The following CACNA1C variants were observed in gnomAD, a reference collection of about 807,000 sequenced individuals.
CACNA1C encodes calcium voltage-gated channel subunit alpha1 C, also known as voltage-dependent L-type calcium channel subunit alpha-1C.
A neutral mutation model predicts 229.0 loss-of-function variants in CACNA1C; 30 were observed. That is an observed-to-expected ratio of 0.13 (90% confidence interval 0.10 to 0.18). The LOEUF is 0.18. Among genes scored for constraint, CACNA1C ranks in the 10% least tolerant of loss-of-function variants. The probability of loss-of-function intolerance (pLI) is 1.00; values close to 1 mark genes in which losing one functional copy is unlikely to be tolerated. For synonymous variants in CACNA1C, 1,114 were observed against 1,132.5 expected (o/e 0.98, Z 0.33); for missense variants, 1,658 against 2,845.0 (o/e 0.58, Z 9.49).
At chr12:2,008,833 A>G (rs2043918231) in intron 1 of CACNA1C, among the ~76,000 whole-genome samples, 1 of 152,216 alleles carries the variant, frequency 6.6e-6, no homozygotes, top group Non-Finnish European at 1.5e-5. Context: ...CCTGGCCCAC[A>G]GAGATTTATT....
intron 9 of CACNA1C, among the ~76,000 whole-genome samples, chr12:2,515,984 C>T (rs936691939): frequency 2.6e-5 from 4 of 152,080 alleles, no homozygotes; most frequent in East Asian, 1.9e-4. Context: ...AGTCAAAAGT[C>T]CCTGCCCTCG....
intron 37 of CACNA1C, among the ~76,000 whole-genome samples, chr12:2,668,233 A>C (rs1168235489): frequency 6.6e-6 from 1 of 152,234 alleles, no homozygotes; most frequent in Non-Finnish European, 1.5e-5. Context: ...ACGCCTGAGC[A>C]GACTTTCGAG....
intron 37 of CACNA1C, among the ~76,000 whole-genome samples, chr12:2,668,334 G>C (rs573040433): frequency 1.3e-5 from 2 of 152,246 alleles, no homozygotes; most frequent in South Asian, 4.1e-4. Context: ...TCCACGAGGA[G>C]GGTCAAAAGT....
chr12:2,605,018 C>T lies in CACNA1C; in HGVS notation c.2961-63C>T. 1 of 1,203,338 alleles carries T rather than the reference C, an allele frequency of 8.3e-7. No individual in the cohort carries two copies. The highest frequency in any genetic ancestry group is 1.5e-5 in the African/African-American group (1 of 66,936). 74.5% of individuals were successfully genotyped at this position (1,203,338 alleles called of 1,614,324 possible). A position where few individuals can be genotyped will look rare whatever the true frequency, so the allele number is the denominator to read the frequency against. ...CACCTGTCAGGACATTCCCTTACCA[C>T]ATTATTTTTGCTCCCCCCAGAAACA... On this transcript the variant is annotated intron_variant, in intron 22 of 46. Coordinates refer to ENST00000399655, the MANE Select transcript of CACNA1C (RefSeq NM_000719.7). This position sits in a 1 kb window ranked among gnomAD's most constrained non-coding sequence, Gnocchi z 6.2.
chr12:2,416,675 G>T (rs900555990), intron 3 of CACNA1C, among the ~76,000 whole-genome samples: 2 of 152,208 alleles, frequency 1.3e-5, no homozygotes, highest in African/African-American at 4.8e-5. Flanking sequence ...TGACAATTGG[G>T]ACTCCACCCA....
At chr12:1,983,259 T>C (rs538634657) in intron 1 of CACNA1C, among the ~76,000 whole-genome samples, 3 of 152,024 alleles carry the variant, frequency 2.0e-5, no homozygotes, top group Non-Finnish European at 2.9e-5. Context: ...ATTTCTCTTC[T>C]TTTTATTTCT....
intron 1 of CACNA1C, among the ~76,000 whole-genome samples, chr12:2,002,918 C>T (rs1029588018): frequency 2.0e-5 from 3 of 151,606 alleles, no homozygotes; most frequent in African/African-American, 7.3e-5. Flanking sequence ...CAAACAAAAA[C>T]AAACAAAAAA....
chr12:2,200,499 A>G (rs1251572258), intron 3 of CACNA1C, among the ~76,000 whole-genome samples: 1 of 152,216 alleles, frequency 6.6e-6, no homozygotes, highest in Non-Finnish European at 1.5e-5. Flanking sequence ...CAGCCCCACA[A>G]CAAAGAATCA....
intron 1 of CACNA1C, among the ~76,000 whole-genome samples, chr12:2,092,991 G>A (rs1394360905): frequency 6.6e-6 from 1 of 152,192 alleles, no homozygotes; most frequent in Non-Finnish European, 1.5e-5. Flanking sequence ...GAAGGAGGAG[G>A]CAGTGAGCCA....
intron 1 of CACNA1C, among the ~76,000 whole-genome samples, chr12:2,008,141 A>G (rs1035108872): frequency 2.0e-5 from 3 of 152,054 alleles, no homozygotes; most frequent in Non-Finnish European, 2.9e-5. Flanking sequence ...TTTTTGAGAC[A>G]GGGTCTTTCT....
In CACNA1C at chr12:2,035,475, A is replaced by T. The variant is rs570392031; in HGVS notation, c.139+64274A>T. On this transcript the variant is annotated intron_variant, in intron 1 of 46. Coordinates refer to the CACNA1C transcript ENST00000682462. ...GGTGATGGGGTGCAGGGAAATAGACATTTCCATTTCTTCCTCCTCCCTTCT... is the reference window on the plus strand; with the variant it reads ...GGTGATGGGGTGCAGGGAAATAGACTTTTCCATTTCTTCCTCCTCCCTTCT... Among the ~76,000 whole-genome samples, 14 of 152,194 alleles carry T rather than the reference A, an allele frequency of 9.2e-5. No homozygotes were observed. The South Asian group carries it at 2.1e-3, about 23-fold the overall frequency.
At chr12:2,180,026 C>T (rs189967972) in intron 3 of CACNA1C, among the ~76,000 whole-genome samples, 8 of 152,352 alleles carry the variant, frequency 5.3e-5, no homozygotes, top group Admixed American at 5.2e-4. Context: ...CAGGCAGGCC[C>T]TCCAACTGCC....
chr12:1,979,274 A>C (rs999245746), intron 1 of CACNA1C, among the ~76,000 whole-genome samples: 1 of 151,330 alleles, frequency 6.6e-6, no homozygotes, highest in Non-Finnish European at 1.5e-5. Context: ...TCGGCCTCCC[A>C]AAGTGTTGGG....
At chr12:2,389,962 C>T (rs2154548431) in intron 3 of CACNA1C, among the ~76,000 whole-genome samples, 1 of 152,318 alleles carries the variant, frequency 6.6e-6, no homozygotes, top group East Asian at 1.9e-4. Context: ...CCTCTACTCC[C>T]AGGCTGAGGA....
intron 3 of CACNA1C, among the ~76,000 whole-genome samples, chr12:2,234,401 C>CT (rs1351725775): frequency 6.6e-6 from 1 of 152,212 alleles, no homozygotes; most frequent in Non-Finnish European, 1.5e-5. Flanking sequence ...GCCAGGCACT[C>CT]TGTGGTCAAA....
At chr12:2,612,941 A>G (rs1235250730) in intron 29 of CACNA1C, 2 of 152,222 alleles carry the variant, frequency 1.3e-5, no homozygotes, top group African/African-American at 2.4e-5. Flanking sequence ...TCATGCAGTT[A>G]CAGACTTGAG....
chr12:2,170,420 G>A (rs1425423094), intron 3 of CACNA1C, among the ~76,000 whole-genome samples: 3 of 152,236 alleles, frequency 2.0e-5, no homozygotes, highest in Non-Finnish European at 2.9e-5. Flanking sequence ...AAAAGAGAGA[G>A]GCCAGGCTGT....
chr12:2,325,311 T>C (rs2096242413), intron 3 of CACNA1C, among the ~76,000 whole-genome samples: 1 of 152,224 alleles, frequency 6.6e-6, no homozygotes, highest in South Asian at 2.1e-4. Context: ...AACTCTCTGA[T>C]ACAGTGAGAA....
At chr12:2,623,255 C>T (rs1204322886) in intron 29 of CACNA1C, among the ~76,000 whole-genome samples, 1 of 152,016 alleles carries the variant, frequency 6.6e-6, no homozygotes, top group African/African-American at 2.4e-5. Flanking sequence ...TGGCATTCTC[C>T]CTCCCATCCC....
Sources: gnomAD v4.1 joint callset for allele counts (sites outside exome capture counted in the v4.1 genomes callset) on GRCh38, gnomAD v4.1.1 for gene constraint, Gnocchi (gnomAD v3.1) non-coding constraint, MANE v1.5 for transcripts, NCBI Gene and HGNC (gene_info 2026-07-23, HGNC 2026-07-21) for gene names.